DCC: variants seen among roughly 807,000 people sequenced by gnomAD.
The protein encoded by DCC is DCC netrin 1 receptor, also known as netrin receptor DCC.
In DCC, 58 loss-of-function variants were observed where a neutral mutation model predicts 172.5. That is an observed-to-expected ratio of 0.34 (90% CI 0.27 to 0.42). The LOEUF (loss-of-function observed/expected upper bound fraction) is 0.42. Among genes scored for constraint, DCC ranks in the 10% least tolerant of loss-of-function variants. The pLI is 1.00. For synonymous variants in DCC, 709 were observed against 644.5 expected (o/e 1.10, Z -1.52); for missense variants, 1,740 against 1,791.0 (o/e 0.97, Z 0.51).
chr18:52,872,162 T>C (rs2039330227), intron 2 of DCC, among the ~76,000 whole-genome samples: 1 of 152,038 alleles, frequency 6.6e-6, no homozygotes, highest in Non-Finnish European at 1.5e-5. Flanking sequence ...CGCTCCCCAA[T>C]TGGGTTCAGG....
intron 24 of DCC, among the ~76,000 whole-genome samples, chr18:53,465,616 A>G (rs757494332): frequency 5.3e-5 from 8 of 152,046 alleles, no homozygotes; most frequent in African/African-American, 1.2e-4. Context: ...TATAAGGTTT[A>G]TTTATGTCTT....
At chr18:53,397,711 ATCT>A (rs1480176916) in intron 18 of DCC, among the ~76,000 whole-genome samples, 12 of 152,220 alleles carry the variant, frequency 7.9e-5, no homozygotes, top group African/African-American at 2.9e-4. Flanking sequence ...CTGACTATAA[ATCT>A]TCTTTTCACT....
intron 1 of DCC, among the ~76,000 whole-genome samples, chr18:52,572,261 G>A (rs984957010): frequency 6.6e-6 from 1 of 152,114 alleles, no homozygotes; most frequent in Non-Finnish European, 1.5e-5. Context: ...CCCCCTCGTC[G>A]ACAGATACAG....
intron 2 of DCC, among the ~76,000 whole-genome samples, chr18:52,792,158 C>T (rs1251952808): frequency 6.6e-6 from 1 of 151,932 alleles, no homozygotes; most frequent in African/African-American, 2.4e-5. Context: ...ATGAACTCTC[C>T]AGACCAAGGG....
At chr18:52,357,095 C>A (rs1984401905) in intron 1 of DCC, among the ~76,000 whole-genome samples, 1 of 152,216 alleles carries the variant, frequency 6.6e-6, no homozygotes, top group East Asian at 1.9e-4. Context: ...CTGGCTTAAC[C>A]CATGTACTCA....
chr18:52,413,063 T>G (rs74755454), intron 1 of DCC, among the ~76,000 whole-genome samples: 1 of 152,022 alleles, frequency 6.6e-6, no homozygotes, highest in African/African-American at 2.4e-5. Flanking sequence ...CTCCATTGTC[T>G]TCAGTAGGCC....
chr18:52,604,318 C>G (rs2034085291), intron 1 of DCC, among the ~76,000 whole-genome samples: 1 of 152,094 alleles, frequency 6.6e-6, no homozygotes, highest in African/African-American at 2.4e-5. Context: ...TCTCAAGGAA[C>G]AGGGAACATC....
At chr18:52,890,887 CA>C (rs1236561278) in intron 2 of DCC, among the ~76,000 whole-genome samples, 3 of 151,980 alleles carry the variant, frequency 2.0e-5, no homozygotes, top group Non-Finnish European at 4.4e-5. Flanking sequence ...TAGAACCTGG[CA>C]AAATTTAACA....
At chr18:53,526,802 T>TGAC in intron 28 of DCC, 43 bp downstream of exon 28, 1 of 1,609,914 alleles carries the variant, frequency 6.2e-7, no homozygotes, top group Non-Finnish European at 8.5e-7. Context: ...AGGGACAGAT[T>TGAC]GACTGGCGCT....
intron 7 of DCC, among the ~76,000 whole-genome samples, chr18:53,151,350 A>G (rs1427846484): frequency 6.6e-6 from 1 of 152,152 alleles, no homozygotes; most frequent in African/African-American, 2.4e-5. Flanking sequence ...ACTTTTCCAT[A>G]GTCTTACACA....
intron 1 of DCC, among the ~76,000 whole-genome samples, chr18:52,685,507 G>T (rs778595811): frequency 6.6e-6 from 1 of 152,078 alleles, no homozygotes; most frequent in African/African-American, 2.4e-5. Context: ...AGGTGTTTGG[G>T]GGTGGTACCT....
At chr18:52,572,158 C>T (rs1372171927) in intron 1 of DCC, among the ~76,000 whole-genome samples, 3 of 152,102 alleles carry the variant, frequency 2.0e-5, no homozygotes, top group South Asian at 2.1e-4. Context: ...AGAAATAATT[C>T]GGGCTTTCTA....
At chr18:52,660,806 C>T (rs1215795513) in intron 1 of DCC, among the ~76,000 whole-genome samples, 3 of 152,082 alleles carry the variant, frequency 2.0e-5, no homozygotes, top group Non-Finnish European at 2.9e-5. Flanking sequence ...TCAAAATAAA[C>T]GTGGTTCCAA....
chr18:52,886,070 A>G (rs1332562222), intron 2 of DCC, among the ~76,000 whole-genome samples: 1 of 151,698 alleles, frequency 6.6e-6, no homozygotes, highest in Non-Finnish European at 1.5e-5. Flanking sequence ...CCTCACCTCA[A>G]GCAGAAGGAA....
intron 7 of DCC, among the ~76,000 whole-genome samples, chr18:53,069,510 G>A (rs1425064294): frequency 6.6e-6 from 1 of 152,058 alleles, no homozygotes; most frequent in East Asian, 1.9e-4. Context: ...TGAGCTAGGA[G>A]GGTGGCGCAG....
chr18:53,121,894 A>G (rs1215407459), intron 7 of DCC, among the ~76,000 whole-genome samples: 3 of 151,958 alleles, frequency 2.0e-5, no homozygotes, highest in Non-Finnish European at 4.4e-5. Context: ...GTGAAAAGAC[A>G]TTCAGTTTTT....
intron 15 of DCC, among the ~76,000 whole-genome samples, chr18:53,361,210 A>C (rs573769093): frequency 6.6e-6 from 1 of 152,250 alleles, no homozygotes; most frequent in Non-Finnish European, 1.5e-5. Flanking sequence ...GCCTTCAGGG[A>C]CCGTGCGGCC....
chr18:53,426,334 GAT>G (rs1263207099), intron 21 of DCC, among the ~76,000 whole-genome samples: 17 of 139,858 alleles, frequency 1.2e-4, no homozygotes, highest in Admixed American at 7.4e-5. Flanking sequence ...TAAATTTTAT[GAT>G]ATATATTTAT....
chr18:53,323,581 G>A (rs12966663), intron 14 of DCC, among the ~76,000 whole-genome samples: 94,388 of 151,962 alleles, frequency 0.62, 29,891 homozygotes, highest in African/African-American at 0.68. Flanking sequence ...TGCCATTGTT[G>A]TAGTTAAAAC....
Sources: allele counts gnomAD v4.1 joint callset (sites outside exome capture counted in the v4.1 genomes callset), GRCh38; gene constraint gnomAD v4.1.1; transcripts MANE v1.5; gene names NCBI Gene and HGNC (gene_info 2026-07-23, HGNC 2026-07-21).